ADAMTS3: variants seen among roughly 807,000 people sequenced by gnomAD.
The protein encoded by ADAMTS3 is A disintegrin and metalloproteinase with thrombospondin motifs 3.
A neutral mutation model predicts 129.0 loss-of-function variants in ADAMTS3; 73 were observed. The ratio of observed to expected loss-of-function variants is 0.57; its 90% confidence interval spans 0.47 to 0.69. The LOEUF is 0.69. ADAMTS3 is among the 30% of genes least tolerant of loss of function. The pLI is 0.00. For missense variants in ADAMTS3, 1,457 were observed against 1,514.5 expected, an observed-to-expected ratio of 0.96 and a Z score of 0.63; for synonymous variants, 477 against 510.8, an observed-to-expected ratio of 0.93 and a Z score of 0.89.
intron 5 of ADAMTS3, among the ~76,000 whole-genome samples, chr4:72,325,411 T>C (rs1301365450): frequency 6.6e-6 from 1 of 152,098 alleles, no homozygotes; most frequent in African/African-American, 2.4e-5. Context: ...ACTTTATAGT[T>C]GCAATAAAAG....
intron 3 of ADAMTS3, among the ~76,000 whole-genome samples, chr4:72,426,867 C>G (rs938002413): frequency 6.6e-6 from 1 of 152,024 alleles, no homozygotes; most frequent in Admixed American, 6.6e-5. Context: ...GCACACCAGT[C>G]TGGGCAACAG....
intron 2 of ADAMTS3, among the ~76,000 whole-genome samples, chr4:72,560,065 A>G (rs1322743365): frequency 6.6e-6 from 1 of 151,674 alleles, no homozygotes; most frequent in East Asian, 1.9e-4. Flanking sequence ...AAACCTGACA[A>G]AAACAAGCAA....
intron 5 of ADAMTS3, among the ~76,000 whole-genome samples, chr4:72,336,234 G>C (rs760711317): frequency 1.3e-5 from 2 of 152,178 alleles, no homozygotes; most frequent in Non-Finnish European, 2.9e-5. Flanking sequence ...AATGCAAAAA[G>C]ATAGAATTTT....
intron 3 of ADAMTS3, among the ~76,000 whole-genome samples, chr4:72,507,538 T>C (rs925334873): frequency 6.6e-5 from 10 of 152,226 alleles, no homozygotes; most frequent in Non-Finnish European, 1.5e-4. Flanking sequence ...TTTCTGTTAA[T>C]TACCTAATAT....
intron 4 of ADAMTS3, among the ~76,000 whole-genome samples, chr4:72,348,208 C>T (rs1720337302): frequency 2.0e-5 from 3 of 151,856 alleles, no homozygotes; most frequent in Admixed American, 6.6e-5. Flanking sequence ...AACTTACATC[C>T]CAGTGATAAG....
At chr4:72,396,693 G>A (rs570568833) in intron 4 of ADAMTS3, among the ~76,000 whole-genome samples, 29 of 152,220 alleles carry the variant, frequency 1.9e-4, no homozygotes, top group Non-Finnish European at 3.5e-4. Flanking sequence ...AGCACATTAT[G>A]TTGGGGTATT....
chr4:72,375,358 C>G (rs142542266), intron 4 of ADAMTS3, among the ~76,000 whole-genome samples: 2 of 152,174 alleles, frequency 1.3e-5, no homozygotes, highest in East Asian at 1.9e-4. Flanking sequence ...GTGCCTACTA[C>G]GTGCCCAGCA....
chr4:72,466,888 G>C (rs553249945), intron 3 of ADAMTS3, among the ~76,000 whole-genome samples: 1 of 151,956 alleles, frequency 6.6e-6, no homozygotes, highest in Admixed American at 6.6e-5. Flanking sequence ...CCAGCTATGC[G>C]GTCTTAGTTA....
At chr4:72,346,923 G>C (rs1268887872) in intron 4 of ADAMTS3, among the ~76,000 whole-genome samples, 1 of 152,078 alleles carries the variant, frequency 6.6e-6, no homozygotes, top group East Asian at 1.9e-4. Flanking sequence ...TGGCCAAGTA[G>C]CATATGCCAT....
intron 2 of ADAMTS3, among the ~76,000 whole-genome samples, chr4:72,563,718 A>C (rs1018218090): frequency 2.6e-5 from 4 of 152,212 alleles, no homozygotes; most frequent in Non-Finnish European, 5.9e-5. Flanking sequence ...TTAGGGACCA[A>C]TTCAGCCTGG....
rs188968983 is a variant in ADAMTS3 at position 72,496,579 on chromosome 4, A to G, written c.504+51899T>C. On this transcript the variant is annotated intron_variant, in intron 3 of 21. Transcript: ENST00000286657. ...TCCTAGTATCATCAATCCTATGACCACTATGGAGCTTAGATTTTCCAGCCC... is the reference window on the plus strand; with the variant it reads ...TCCTAGTATCATCAATCCTATGACCGCTATGGAGCTTAGATTTTCCAGCCC... Among the ~76,000 whole-genome samples the G allele has an allele frequency of 1.1e-3, 162 of 152,270 alleles. 1 individual carries two copies. Among genetic ancestry groups the G allele is most frequent in the African/African-American group, 3.5e-3 (146 of 41,574 alleles).
chr4:72,460,386 A>G (rs1718734559), intron 3 of ADAMTS3, among the ~76,000 whole-genome samples: 1 of 151,556 alleles, frequency 6.6e-6, no homozygotes, highest in South Asian at 2.1e-4. Context: ...AAAAATTGAA[A>G]TAGGGAGGGA....
At chr4:72,403,467 A>AG (rs1411267336) in intron 4 of ADAMTS3, among the ~76,000 whole-genome samples, 1 of 151,182 alleles carries the variant, frequency 6.6e-6, no homozygotes, top group Non-Finnish European at 1.5e-5. Flanking sequence ...TAGATGGAAA[A>AG]AAAATAAGAG....
At chr4:72,327,613 T>G (rs947594853) in intron 5 of ADAMTS3, among the ~76,000 whole-genome samples, 1 of 152,136 alleles carries the variant, frequency 6.6e-6, no homozygotes, top group Admixed American at 6.5e-5. Context: ...CAAGTACAAT[T>G]AGTACACGAG....
At chr4:72,531,534 T>G (rs1721040756) in intron 3 of ADAMTS3, among the ~76,000 whole-genome samples, 1 of 152,006 alleles carries the variant, frequency 6.6e-6, no homozygotes, top group Admixed American at 6.6e-5. Context: ...GAGGGTTGGG[T>G]AAAGCACAGA....
chr4:72,314,779 C>CT (rs1375640788), intron 11 of ADAMTS3, among the ~76,000 whole-genome samples: 1 of 152,102 alleles, frequency 6.6e-6, no homozygotes, highest in African/African-American at 2.4e-5. Context: ...AATGCAAACA[C>CT]TTAAAAAGAC....
chr4:72,428,970 T>C (rs958667774), intron 3 of ADAMTS3, among the ~76,000 whole-genome samples: 1 of 152,062 alleles, frequency 6.6e-6, no homozygotes. Flanking sequence ...CAAACTTTAG[T>C]GTGCCAAAGA....
At chr4:72,516,384 T>C (rs1331421696) in intron 3 of ADAMTS3, among the ~76,000 whole-genome samples, 1 of 152,160 alleles carries the variant, frequency 6.6e-6, no homozygotes, top group East Asian at 1.9e-4. Context: ...AAGTCATTGG[T>C]AACTTGATGG....
chr4:72,491,557 T>C (rs1719744978), intron 3 of ADAMTS3, among the ~76,000 whole-genome samples: 1 of 151,734 alleles, frequency 6.6e-6, no homozygotes, highest in Non-Finnish European at 1.5e-5. Flanking sequence ...GAAAATGATG[T>C]TATTTTTGTC....
Sources: allele counts gnomAD v4.1 joint callset (sites outside exome capture counted in the v4.1 genomes callset), GRCh38; gene constraint gnomAD v4.1.1; transcripts MANE v1.5; gene names NCBI Gene and HGNC (gene_info 2026-07-23, HGNC 2026-07-21).